Variants in PRRC2B observed in about 807,000 individuals in gnomAD.
PRRC2B encodes protein PRRC2B.
A neutral mutation model predicts 242.3 loss-of-function variants in PRRC2B; 68 were observed. That is an observed-to-expected ratio of 0.28 (90% CI 0.23 to 0.34). The LOEUF (loss-of-function observed/expected upper bound fraction) is 0.34, where lower values mean the gene tolerates loss of function less well. Among genes scored for constraint, PRRC2B ranks in the 10% least tolerant of loss-of-function variants. PRRC2B has a pLI of 1.00. For missense variants in PRRC2B, 2,835 were observed against 2,954.8 expected (o/e 0.96, Z 0.94); for synonymous variants, 1,228 against 1,173.6 (o/e 1.05, Z -0.95).
At chr9:131,430,055 TCTCTC>T in intron 1 of PRRC2B, 34 bp from the exon 2 acceptor site, 3 of 668,130 alleles carry the variant, frequency 4.5e-6, no homozygotes, top group African/African-American at 1.9e-5. Flanking sequence ...TTTTTTTTTC[TCTCTC>T]TTTTTTTTTT....
intron 16 of PRRC2B, among the ~76,000 whole-genome samples, chr9:131,476,818 C>T (rs747276904): frequency 2.6e-5 from 4 of 151,856 alleles, no homozygotes; most frequent in African/African-American, 4.8e-5. Flanking sequence ...GGAGCCCCGC[C>T]GAGGGGCCGC....
Position 131,464,974 on chromosome 9 carries a change from C to A in PRRC2B, c.1616C>A (p.Ala539Glu), listed in dbSNP as rs1483633359. The A allele has an allele frequency of 6.2e-7, 1 of 1,613,824 alleles. No individual in the cohort carries two copies. Among genetic ancestry groups the A allele is most frequent in the Non-Finnish European group, 8.5e-7 (1 of 1,179,892 alleles). Residue 539 changes from alanine to glutamate, a missense_variant, in exon 12 of 32, where the codon GCA becomes GAA. By Grantham distance (107) the Ala-to-Glu change is moderately radical. Coordinates refer to ENST00000683519, the MANE Select transcript of PRRC2B (RefSeq NM_013318.4). Reference protein sequence around the residue: ...LKQLDQKCKQARKAGEARKQA... With the variant: ...LKQLDQKCKQERKAGEARKQA... ...CAGCTGGACCAGAAGTGTAAGCAGGCACGAAAGGCAGGTGAGGCCCGGAAG... is the reference window on the plus strand; with the variant it reads ...CAGCTGGACCAGAAGTGTAAGCAGGAACGAAAGGCAGGTGAGGCCCGGAAG...
chr9:131,409,713 T>G (rs980482557), intron 1 of PRRC2B, among the ~76,000 whole-genome samples: 30 of 152,286 alleles, frequency 2.0e-4, no homozygotes, highest in Non-Finnish European at 3.7e-4. Flanking sequence ...ACCCATCCAG[T>G]GCACCCTGGC....
At chr9:131,485,562 C>T (rs1429828769) in intron 25 of PRRC2B, 2 of 521,522 alleles carry the variant, frequency 3.8e-6, no homozygotes, top group Non-Finnish European at 7.5e-6. Flanking sequence ...ATCAACAGAG[C>T]CCTCAGTCAC....
Position 131,487,811 on chromosome 9 carries a change from C to T in PRRC2B, c.5985-45C>T, listed in dbSNP as rs1470845753. 3 of 1,578,280 alleles carry T rather than the reference C, an allele frequency of 1.9e-6. No individual in the cohort carries two copies. Among genetic ancestry groups the T allele is most frequent in the African/African-American group, 2.7e-5 (2 of 74,578 alleles). On this transcript the variant is annotated intron_variant, in intron 27 of 31. Transcript: ENST00000683519. The surrounding 1 kb of genome is among the most constrained non-coding windows in gnomAD (Gnocchi z 5.3). ...CTGAAGGGTGGGACCAGATCCGCAG[C>T]TGGACTCATCCACCTGATCCCGACC...
At chr9:131,478,830 A>T (rs2131455024) in intron 18 of PRRC2B, among the ~76,000 whole-genome samples, 1 of 152,306 alleles carries the variant, frequency 6.6e-6, no homozygotes, top group East Asian at 1.9e-4. Flanking sequence ...CATCACTGTT[A>T]TGCAGTGGAA....
intron 11 of PRRC2B, among the ~76,000 whole-genome samples, chr9:131,462,748 G>A (rs550036519): frequency 6.8e-6 from 1 of 146,518 alleles, no homozygotes; most frequent in South Asian, 2.3e-4. Flanking sequence ...TGAGGCAGGA[G>A]AATTGCTTGA....
upstream of PRRC2B, among the ~76,000 whole-genome samples, chr9:131,392,774 A>C (rs1460741168): frequency 6.6e-6 from 1 of 152,066 alleles, no homozygotes; most frequent in Non-Finnish European, 1.5e-5. Context: ...TTAGCTGGGC[A>C]TGGTGGCAGA....
Position 131,476,047 on chromosome 9 carries a change from C to A in PRRC2B, c.3918C>A (p.Arg1306=), listed in dbSNP as rs368629851. 2 of 1,606,192 alleles carry A rather than the reference C, an allele frequency of 1.2e-6. No homozygotes were observed. The highest frequency in any genetic ancestry group is 1.7e-6 in the Non-Finnish European group (2 of 1,174,810). ...NRPFRRRRPP[R]QDKPPRFRRL... Reference sequence around the variant, plus strand: ...CCTTCAGGAGAAGGCGCCCCCCACGCCAAGATAAGCCCCCTCGATTCCGGC... The same window carrying A: ...CCTTCAGGAGAAGGCGCCCCCCACGACAAGATAAGCCCCCTCGATTCCGGC... The change falls in exon 16 of 32, where the codon CGC becomes CGA. Residue 1306 remains arginine, a synonymous_variant. Coordinates refer to ENST00000683519, the MANE Select transcript of PRRC2B (RefSeq NM_013318.4).
chr9:131,429,946 A>C, intron 1 of PRRC2B, 148 bp from the exon 2 acceptor site: 1 of 570,842 alleles, frequency 1.8e-6, no homozygotes, highest in Non-Finnish European at 3.1e-6. Context: ...GCAGTTTTCT[A>C]AGGACAGTCC....
In PRRC2B at chr9:131,384,855, G is replaced by A. The variant is rs143327418; in HGVS notation, c.-56+11124G>A. ...CAGCTGTGAGCCACCGCGCCTGGTC[G>A]AAGGAGACATTTTCACATTGGCTGT... On this transcript the variant is annotated intron_variant, in intron 1 of 1. Transcript: ENST00000682525. Among the ~76,000 whole-genome samples the A allele has an allele frequency of 6.6e-3, 1,000 of 152,214 alleles. 4 individuals carry two copies. Among genetic ancestry groups the A allele is most frequent in the Middle Eastern group, 0.014 (4 of 292 alleles).
rs76148019 is a variant in PRRC2B, at chr9:131,442,352, T to C, written c.470-1833T>C. Among the ~76,000 whole-genome samples, 1,447 of 152,248 alleles carry C rather than the reference T, an allele frequency of 9.5e-3. 30 individuals carry two copies. Among genetic ancestry groups the C allele is most frequent in the African/African-American group, 0.033 (1,365 of 41,540 alleles). ...TTCATCATGTTGTCCAGGCTGGTGA[T>C]ACTGTATTTTAAAAATACAGTTTTT... is the stretch of plus-strand genomic sequence containing the variant. On this transcript the variant is annotated intron_variant, in intron 5 of 31. Transcript: ENST00000683519.
In PRRC2B at chr9:131,475,246, C is replaced by T. The variant is rs1462729363; in HGVS notation, c.3117C>T (p.Ser1039=). The part of the protein sequence containing the change: ...AWEARPPRES[S]DVPPMKRNNW... ...AAGCCAGACCCCCACGAGAGTCCAGCGATGTTCCCCCCATGAAGAGAAATA... is the reference window on the plus strand; with the variant it reads ...AAGCCAGACCCCCACGAGAGTCCAGTGATGTTCCCCCCATGAAGAGAAATA... The change falls in exon 16 of 32, where the codon AGC becomes AGT. Residue 1039 remains serine, a synonymous_variant. Coordinates refer to ENST00000683519, the MANE Select transcript of PRRC2B (RefSeq NM_013318.4). 9.3e-6 allele frequency: 15 copies of T among 1,613,402 alleles called. No homozygotes were observed. The highest frequency in any genetic ancestry group is 2.7e-5 in the African/African-American group (2 of 74,922).
Position 131,499,917 on chromosome 9 carries a change from T to G in PRRC2B, c.*4043T>G, listed in dbSNP as rs1944421751. The G allele has an allele frequency of 6.6e-6, 1 of 152,244 alleles. No individual in the cohort carries two copies. The highest frequency in any genetic ancestry group is 2.4e-5 in the African/African-American group (1 of 41,450). The allele number at this position is 152,244 out of a possible 1,614,324, so 9.4% of individuals were successfully genotyped here. A position where few individuals can be genotyped will look rare whatever the true frequency, so the allele number is the denominator to read the frequency against. ...TGTTTTTGTTTCCTTTTGTTTATGT[T>G]TTGGCCTTTCCTCTTTGTCTTTCCA... On this transcript the variant is annotated 3_prime_UTR_variant, in exon 32 of 32. Transcript: ENST00000683519.
chr9:131,429,267 G>C (rs573592914), intron 1 of PRRC2B, among the ~76,000 whole-genome samples: 10 of 151,036 alleles, frequency 6.6e-5, no homozygotes, highest in Non-Finnish European at 1.0e-4. Context: ...TATTTTGAGT[G>C]AGTGAGTGAG....
chr9:131,448,394 A>G (rs765859915), intron 9 of PRRC2B, among the ~76,000 whole-genome samples: 15 of 151,730 alleles, frequency 9.9e-5, no homozygotes, highest in Admixed American at 3.3e-4. Context: ...AAATACAAAA[A>G]TTAGCCAGGT....
intron 30 of PRRC2B, among the ~76,000 whole-genome samples, chr9:131,492,483 A>G (rs1944224414): frequency 6.6e-6 from 1 of 152,210 alleles, no homozygotes; most frequent in Non-Finnish European, 1.5e-5. Context: ...AATCATTATA[A>G]TAAGATGCTC....
intron 11 of PRRC2B, among the ~76,000 whole-genome samples, chr9:131,461,299 C>T (rs1943235361): frequency 6.6e-6 from 1 of 152,160 alleles, no homozygotes; most frequent in Non-Finnish European, 1.5e-5. Context: ...ATGAATGTCC[C>T]CCTCATCTAG....
Position 131,473,648 on chromosome 9 carries a change from A to G in PRRC2B, c.2248A>G (p.Met750Val), listed in dbSNP as rs1354049643. 10 of 1,613,776 alleles carry G rather than the reference A, an allele frequency of 6.2e-6. No homozygotes were observed. In the Admixed American group the frequency reaches 6.7e-5, roughly 11 times the overall value. The change falls in exon 15 of 32, where the codon ATG (methionine) becomes GTG (valine). Residue 750 changes from methionine (M) to valine (V), a missense_variant. Transcript: ENST00000683519. ...SPPVWSPEGY[M>V]ALQSKGYPLP... Reference sequence around the variant, plus strand: ...CCCTGTGTGGAGCCCAGAGGGCTACATGGCACTGCAGAGCAAGGGCTACCC... The same window carrying G: ...CCCTGTGTGGAGCCCAGAGGGCTACGTGGCACTGCAGAGCAAGGGCTACCC...
Sources: allele counts gnomAD v4.1 joint callset (sites outside exome capture counted in the v4.1 genomes callset), GRCh38; gene constraint gnomAD v4.1.1; non-coding constraint Gnocchi (gnomAD v3.1); transcripts MANE v1.5; gene names NCBI Gene and HGNC (gene_info 2026-07-23, HGNC 2026-07-21).